Variants in DLG2 observed in about 807,000 individuals in gnomAD.
DLG2 encodes the protein discs large MAGUK scaffold protein 2, also known as disks large homolog 2.
Under a neutral mutation model 132.5 loss-of-function variants are expected in DLG2, and 45 were observed. The ratio of observed to expected loss-of-function variants is 0.34; its 90% confidence interval spans 0.27 to 0.44. The LOEUF is 0.44. Ranked by LOEUF, DLG2 falls within the 20% of genes least tolerant of loss-of-function variation. DLG2 has a pLI of 1.00. For synonymous variants in DLG2, 424 were observed against 419.6 expected, an observed-to-expected ratio of 1.01 and a Z score of -0.13; for missense variants, 1,045 against 1,196.9, an observed-to-expected ratio of 0.87 and a Z score of 1.87.
chr11:85,606,085 G>A (rs559319321), intron 2 of DLG2, among the ~76,000 whole-genome samples: 1 of 152,288 alleles, frequency 6.6e-6, no homozygotes, highest in South Asian at 2.1e-4. Flanking sequence ...TATACCAAGG[G>A]TAGAATGTCA....
chr11:85,350,350 C>T (rs1328314188), intron 3 of DLG2, among the ~76,000 whole-genome samples: 3 of 152,156 alleles, frequency 2.0e-5, no homozygotes, highest in African/African-American at 7.2e-5. Context: ...TTCCCCCATT[C>T]TGTAGGTTGC....
At chr11:84,336,091 G>A (rs1254643662) in intron 7 of DLG2, among the ~76,000 whole-genome samples, 1 of 152,170 alleles carries the variant, frequency 6.6e-6, no homozygotes, top group African/African-American at 2.4e-5. Flanking sequence ...AAATTTTGAT[G>A]TATTTACCAA....
chr11:83,600,173 T>G (rs1565994500), intron 19 of DLG2, among the ~76,000 whole-genome samples: 1 of 151,522 alleles, frequency 6.6e-6, no homozygotes, highest in African/African-American at 2.4e-5. Context: ...GAGAGATTAT[T>G]CACACACACA....
At position 85,470,212 on chromosome 11, in the gene DLG2, G is replaced by GT. The variant is rs113051824; in HGVS notation, c.40+128444dup. Among the ~76,000 whole-genome samples the GT allele has an allele frequency of 3.3e-3, 456 of 138,642 alleles. 6 individuals are homozygous for GT. In the South Asian group the frequency reaches 0.037, roughly 11 times the overall value. 91.0% of individuals were successfully genotyped at this position (138,642 alleles called of 152,430 possible). A position where few individuals can be genotyped will look rare whatever the true frequency, so the allele number is the denominator to read the frequency against. ...CATGAAAACCAAATTAATCTACTTGGTTTTTTTTTTTAATAAAAATCCCCC... is the reference window on the plus strand; with the variant it reads ...CATGAAAACCAAATTAATCTACTTGGTTTTTTTTTTTTAATAAAAATCCCCC... On this transcript the variant is annotated intron_variant, in intron 3 of 27. Transcript: ENST00000376104.
chr11:85,078,895 A>T (rs1767190733), intron 6 of DLG2, among the ~76,000 whole-genome samples: 1 of 152,114 alleles, frequency 6.6e-6, no homozygotes, highest in African/African-American at 2.4e-5. Flanking sequence ...AAAGTATCTA[A>T]GACAGGTCTT....
At chr11:85,034,529 G>A (rs1356017551) in intron 6 of DLG2, among the ~76,000 whole-genome samples, 6 of 152,142 alleles carry the variant, frequency 3.9e-5, no homozygotes, top group African/African-American at 1.2e-4. Context: ...GGAGAAATAA[G>A]AGTCAAAGTA....
At chr11:84,726,769 G>A (rs1565794233) in intron 6 of DLG2, among the ~76,000 whole-genome samples, 1 of 152,082 alleles carries the variant, frequency 6.6e-6, no homozygotes, top group Admixed American at 6.6e-5. Context: ...ATCCTCTCCA[G>A]CATCTGTTGT....
chr11:84,842,052 T>C (rs960840406), intron 6 of DLG2, among the ~76,000 whole-genome samples: 9 of 151,958 alleles, frequency 5.9e-5, no homozygotes, highest in African/African-American at 2.2e-4. Context: ...TATTCTGAAA[T>C]GGTTATATGT....
At chr11:83,920,995 T>C (rs1259425445) in intron 15 of DLG2, among the ~76,000 whole-genome samples, 1 of 152,166 alleles carries the variant, frequency 6.6e-6, no homozygotes, top group East Asian at 1.9e-4. Flanking sequence ...ATTACTACTA[T>C]AATATTCAGT....
intron 3 of DLG2, among the ~76,000 whole-genome samples, chr11:85,410,989 T>A (rs921725574): frequency 2.6e-5 from 4 of 151,814 alleles, no homozygotes; most frequent in African/African-American, 7.2e-5. Flanking sequence ...ACTATTCCTA[T>A]AGTTAGTGAA....
At chr11:83,491,110 G>A (rs1045695818) in intron 21 of DLG2, among the ~76,000 whole-genome samples, 1 of 142,510 alleles carries the variant, frequency 7.0e-6, no homozygotes, top group Admixed American at 6.8e-5. Context: ...CTAATAGCAG[G>A]AAAAATGTTT....
intron 7 of DLG2, among the ~76,000 whole-genome samples, chr11:84,356,635 TAGAGA>T (rs2098613865): frequency 6.6e-6 from 1 of 152,038 alleles, no homozygotes; most frequent in Non-Finnish European, 1.5e-5. Context: ...ATAAAGAGCT[TAGAGA>T]AGAGTCTGGA....
chr11:84,879,352 G>A (rs2086919306), intron 6 of DLG2, among the ~76,000 whole-genome samples: 1 of 152,086 alleles, frequency 6.6e-6, no homozygotes, highest in Non-Finnish European at 1.5e-5. Context: ...AGACTACTAA[G>A]AAATATAAGA....
At chr11:84,731,666 T>C (rs1279203190) in intron 6 of DLG2, among the ~76,000 whole-genome samples, 1 of 151,952 alleles carries the variant, frequency 6.6e-6, no homozygotes, top group Non-Finnish European at 1.5e-5. Context: ...GAACAGAGGC[T>C]GAAGAAGACA....
chr11:84,156,322 T>TGA (rs1386930171), intron 9 of DLG2, among the ~76,000 whole-genome samples: 6 of 152,222 alleles, frequency 3.9e-5, no homozygotes, highest in African/African-American at 1.4e-4. Context: ...TTTCCATGTA[T>TGA]GAAATTAATA....
intron 6 of DLG2, among the ~76,000 whole-genome samples, chr11:85,024,671 C>T (rs685294): frequency 0.7 from 107,054 of 152,138 alleles, 38,666 homozygotes; most frequent in East Asian, 0.92. Context: ...CATTTGTAAG[C>T]ACTCTGTTGT....
chr11:85,612,120 G>A (rs185122562), intron 2 of DLG2, among the ~76,000 whole-genome samples: 1 of 152,272 alleles, frequency 6.6e-6, no homozygotes, highest in East Asian at 1.9e-4. Context: ...AAAAGTCAGG[G>A]TAAATTTAAA....
At chr11:85,392,144 C>T (rs571008666) in intron 3 of DLG2, among the ~76,000 whole-genome samples, 3 of 152,064 alleles carry the variant, frequency 2.0e-5, no homozygotes, top group South Asian at 2.1e-4. Context: ...ACACCAACAG[C>T]GACCAAGTTG....
At chr11:84,996,194 T>C (rs2057636627) in intron 6 of DLG2, among the ~76,000 whole-genome samples, 1 of 152,150 alleles carries the variant, frequency 6.6e-6, no homozygotes, top group South Asian at 2.1e-4. Context: ...AGTGTGAGTT[T>C]GTTTTTATTT....
Sources: gnomAD v4.1 joint callset for allele counts (sites outside exome capture counted in the v4.1 genomes callset) on GRCh38, gnomAD v4.1.1 for gene constraint, MANE v1.5 for transcripts, NCBI Gene and HGNC (gene_info 2026-07-23, HGNC 2026-07-21) for gene names.